The following PKIB variants were observed in gnomAD, a reference collection of about 807,000 sequenced individuals.
PKIB encodes the protein cAMP-dependent protein kinase inhibitor beta.
A neutral mutation model predicts 4.5 loss-of-function variants in PKIB; 2 were observed. That is an observed-to-expected ratio of 0.44 (90% CI 0.18 to 1.39). The LOEUF is 1.39. Among genes scored for constraint, PKIB ranks in the 40% most tolerant of loss-of-function variants. The probability of loss-of-function intolerance (pLI) is 0.27; values close to 1 mark genes in which losing one functional copy is unlikely to be tolerated. For synonymous variants in PKIB, 38 were observed against 36.0 expected (o/e 1.06, Z -0.20); for missense variants, 94 against 92.6 (o/e 1.02, Z -0.06).
At chr6:122,703,336 A>T (rs1451110119) in intron 3 of PKIB, among the ~76,000 whole-genome samples, 1 of 152,182 alleles carries the variant, frequency 6.6e-6, no homozygotes, top group Non-Finnish European at 1.5e-5. Flanking sequence ...CTTATGTCGT[A>T]TGTTAAGCAA....
At chr6:122,641,433 G>C (rs1228224064) in intron 2 of PKIB, among the ~76,000 whole-genome samples, 3 of 152,128 alleles carry the variant, frequency 2.0e-5, no homozygotes, top group Non-Finnish European at 4.4e-5. Context: ...TATATTACCA[G>C]TGCTGGGAAC....
At position 122,726,064 on chromosome 6, in the gene PKIB, C is replaced by T. The variant is rs1008909124; in HGVS notation, c.*869C>T. 6.6e-6 allele frequency: 1 copy of T among 151,978 alleles called. No homozygotes were observed. Among genetic ancestry groups the T allele is most frequent in the African/African-American group, 2.4e-5 (1 of 41,376 alleles). The allele number at this position is 151,978 out of a possible 1,614,324, so 9.4% of individuals were successfully genotyped here. ...TTTTATATTTTTTTAAAGTAGCTAA[C>T]ATAGCAGTAGGCACTTAAGCATTTA... is the stretch of plus-strand genomic sequence containing the variant. On this transcript the variant is annotated 3_prime_UTR_variant, in exon 5 of 5. Coordinates refer to ENST00000368452, the MANE Select transcript of PKIB (RefSeq NM_181795.3).
At chr6:122,712,736 G>A (rs1297191322) in intron 3 of PKIB, among the ~76,000 whole-genome samples, 1 of 152,206 alleles carries the variant, frequency 6.6e-6, no homozygotes, top group East Asian at 1.9e-4. Flanking sequence ...CACTGTGGAA[G>A]ATAGGGTGAG....
chr6:122,572,783 T>C (rs138341433), intron 2 of PKIB, among the ~76,000 whole-genome samples: 1 of 152,036 alleles, frequency 6.6e-6, no homozygotes, highest in African/African-American at 2.4e-5. Context: ...GAAATGAAAC[T>C]GGCAATATTA....
At chr6:122,506,053 T>C (rs1474630323) in intron 2 of PKIB, among the ~76,000 whole-genome samples, 2 of 152,136 alleles carry the variant, frequency 1.3e-5, no homozygotes, top group African/African-American at 2.4e-5. Context: ...TAAAAATAAA[T>C]CTTTTTGTTT....
intron 1 of PKIB, among the ~76,000 whole-genome samples, chr6:122,474,779 A>G (rs1053367243): frequency 2.0e-5 from 3 of 152,226 alleles, no homozygotes; most frequent in Non-Finnish European, 4.4e-5. Context: ...TCCTTAGAAG[A>G]TAGTCCAGGT....
intron 2 of PKIB, among the ~76,000 whole-genome samples, chr6:122,575,950 T>C (rs11968579): frequency 0.18 from 27,517 of 152,008 alleles, 2,628 homozygotes; most frequent in African/African-American, 0.21. Context: ...TGAATGAATC[T>C]CAAAAGCATT....
intron 2 of PKIB, among the ~76,000 whole-genome samples, chr6:122,523,331 G>T (rs1207300425): frequency 1.3e-5 from 2 of 152,104 alleles, no homozygotes; most frequent in East Asian, 3.9e-4. Flanking sequence ...TTGCATTCCA[G>T]GAATAAATCC....
At chr6:122,635,098 T>A (rs958120121) in intron 2 of PKIB, among the ~76,000 whole-genome samples, 23 of 149,898 alleles carry the variant, frequency 1.5e-4, no homozygotes, top group Non-Finnish European at 7.4e-5. Flanking sequence ...TAATACGAAT[T>A]AATTTTGTAC....
intron 2 of PKIB, among the ~76,000 whole-genome samples, chr6:122,498,103 T>C (rs1776126936): frequency 6.6e-6 from 1 of 152,192 alleles, no homozygotes; most frequent in Non-Finnish European, 1.5e-5. Context: ...AATAACTTGC[T>C]CCTGAATGCT....
chr6:122,589,249 T>G (rs1459290839), intron 3 of PKIB, among the ~76,000 whole-genome samples: 3 of 152,156 alleles, frequency 2.0e-5, no homozygotes, highest in African/African-American at 7.2e-5. Context: ...GTTAATATTT[T>G]TATTCCATGA....
chr6:122,622,967 AAGGTG>A (rs1242304136), intron 1 of PKIB, among the ~76,000 whole-genome samples: 5 of 152,214 alleles, frequency 3.3e-5, no homozygotes, highest in Non-Finnish European at 7.3e-5. Flanking sequence ...GCTTATTTGC[AAGGTG>A]AGTTTTCTGG....
chr6:122,515,421 A>G (rs1000194171), intron 2 of PKIB, among the ~76,000 whole-genome samples: 26 of 152,302 alleles, frequency 1.7e-4, no homozygotes, highest in Admixed American at 5.9e-4. Context: ...CATTAGAAAA[A>G]TTTTATTAGT....
chr6:122,599,999 ATATCTATATC>A (rs1774309852), intron 3 of PKIB, among the ~76,000 whole-genome samples: 2 of 150,344 alleles, frequency 1.3e-5, no homozygotes, highest in African/African-American at 5.0e-5. Context: ...ATCTATATCT[ATATCTATATC>A]TATATCTATA....
At chr6:122,563,240 G>A (rs1773083930) in intron 2 of PKIB, among the ~76,000 whole-genome samples, 1 of 152,006 alleles carries the variant, frequency 6.6e-6, no homozygotes, top group South Asian at 2.1e-4. Flanking sequence ...CCTCTTCTGG[G>A]TCTAGCCACC....
intron 2 of PKIB, among the ~76,000 whole-genome samples, chr6:122,638,123 G>A (rs561162637): frequency 6.6e-6 from 1 of 152,304 alleles, no homozygotes; most frequent in East Asian, 1.9e-4. Flanking sequence ...CCTGTTTTAT[G>A]GAAGTTGATG....
At chr6:122,636,425 A>AT (rs1775920206) in intron 2 of PKIB, among the ~76,000 whole-genome samples, 2 of 152,092 alleles carry the variant, frequency 1.3e-5, no homozygotes, top group Non-Finnish European at 2.9e-5. Context: ...AATAAAAAAC[A>AT]TTTAAAAATC....
intron 1 of PKIB, among the ~76,000 whole-genome samples, chr6:122,474,572 T>C (rs1415442799): frequency 5.3e-5 from 8 of 152,238 alleles, no homozygotes; most frequent in Admixed American, 3.3e-4. Flanking sequence ...GTTATGTTTG[T>C]TGTCAAGAAT....
intron 1 of PKIB, among the ~76,000 whole-genome samples, chr6:122,630,847 G>C (rs1389277080): frequency 6.6e-6 from 1 of 152,078 alleles, no homozygotes; most frequent in Non-Finnish European, 1.5e-5. Context: ...GGTTAAGTAG[G>C]ATAATCAGTA....
Sources: allele counts gnomAD v4.1 joint callset (sites outside exome capture counted in the v4.1 genomes callset), GRCh38; gene constraint gnomAD v4.1.1; transcripts MANE v1.5; gene names NCBI Gene and HGNC (gene_info 2026-07-23, HGNC 2026-07-21).